Variants in LRCH1 observed in about 807,000 individuals in gnomAD.
LRCH1 encodes leucine-rich repeat and calponin homology domain-containing protein 1.
Under a neutral mutation model 94.9 loss-of-function variants are expected in LRCH1, and 23 were observed. That is an observed-to-expected ratio of 0.24 (90% CI 0.17 to 0.34). The LOEUF is 0.34. Among genes scored for constraint, LRCH1 ranks in the 10% least tolerant of loss-of-function variants. LRCH1 has a pLI of 1.00. For missense variants in LRCH1, 790 were observed against 945.9 expected (o/e 0.84, Z 2.16); for synonymous variants, 364 against 354.9 (o/e 1.03, Z -0.29).
At chr13:46,660,298 G>A (rs1305824007) in intron 2 of LRCH1, among the ~76,000 whole-genome samples, 2 of 152,062 alleles carry the variant, frequency 1.3e-5, no homozygotes, top group Non-Finnish European at 2.9e-5. Context: ...ACAGGCGTGA[G>A]CCACCGCACC....
chr13:46,662,912 C>T (rs1477947244), intron 2 of LRCH1, among the ~76,000 whole-genome samples: 2 of 152,152 alleles, frequency 1.3e-5, no homozygotes, highest in Admixed American at 1.3e-4. Context: ...TTGCTCTTCT[C>T]GCAGTTCTCT....
intron 11 of LRCH1, 47 bp downstream of exon 11, chr13:46,701,254 C>A: frequency 7.6e-7 from 1 of 1,313,314 alleles, no homozygotes; most frequent in Non-Finnish European, 1.1e-6. Context: ...ATAATGCATA[C>A]TAATGTATGG....
At chr13:46,632,061 C>G (rs7986104) in intron 1 of LRCH1, among the ~76,000 whole-genome samples, 127,336 of 152,114 alleles carry the variant, frequency 0.84, 53,870 homozygotes, top group African/African-American at 0.96. Context: ...AAGTTAACTC[C>G]GTATAGTGGT....
At chr13:46,723,775 G>T (rs1407237909) in intron 17 of LRCH1, among the ~76,000 whole-genome samples, 1 of 151,926 alleles carries the variant, frequency 6.6e-6, no homozygotes, top group Admixed American at 6.6e-5. Context: ...ACTTCAGCCT[G>T]GGTGACAACA....
chr13:46,591,075 T>C (rs1306470449), intron 1 of LRCH1, among the ~76,000 whole-genome samples: 1 of 151,962 alleles, frequency 6.6e-6, no homozygotes, highest in East Asian at 1.9e-4. Context: ...TGAGACAAAG[T>C]CCCTTCCTGC....
chr13:46,714,888 A>G (rs1208623172), intron 15 of LRCH1, among the ~76,000 whole-genome samples: 1 of 152,156 alleles, frequency 6.6e-6, no homozygotes, highest in African/African-American at 2.4e-5. Flanking sequence ...CTAGTCTCCA[A>G]CATTTTTTGT....
chr13:46,741,065 C>T (rs1043234822), intron 19 of LRCH1, among the ~76,000 whole-genome samples: 4 of 152,190 alleles, frequency 2.6e-5, no homozygotes, highest in Non-Finnish European at 5.9e-5. Context: ...ATGTAATGTA[C>T]TTTCTGACAC....
At position 46,743,661 on chromosome 13, in the gene LRCH1, T is replaced by G. The variant is rs775435065; in HGVS notation, c.*1813T>G. On this transcript the variant is annotated 3_prime_UTR_variant, in exon 20 of 20. Transcript: ENST00000389797. ...AGCTCTCAGCATTCCCATCCAGCTC[T>G]GCAGTGCATTGAGGCTTCTCTTTAA... The G allele has an allele frequency of 2.0e-6, 2 of 985,366 alleles. No individual in the cohort carries two copies. The highest frequency in any genetic ancestry group is 2.4e-6 in the Non-Finnish European group (2 of 829,912). 61.0% of individuals were successfully genotyped at this position (985,366 alleles called of 1,614,324 possible).
intron 2 of LRCH1, among the ~76,000 whole-genome samples, chr13:46,668,067 T>G (rs7993865): frequency 6.6e-6 from 1 of 152,154 alleles, no homozygotes; most frequent in East Asian, 1.9e-4. Context: ...ACTCTGTGGT[T>G]GTTGGCTTCA....
At chr13:46,678,267 A>G (rs2051703794) in intron 3 of LRCH1, among the ~76,000 whole-genome samples, 1 of 152,174 alleles carries the variant, frequency 6.6e-6, no homozygotes. Context: ...AAACACCTAG[A>G]CTATTATCTC....
At chr13:46,661,524 T>C (rs2051448400) in intron 2 of LRCH1, among the ~76,000 whole-genome samples, 1 of 152,308 alleles carries the variant, frequency 6.6e-6, no homozygotes, top group South Asian at 2.1e-4. Flanking sequence ...GTAAGTGGAT[T>C]TTTTAGTATT....
At chr13:46,613,992 C>CT (rs1566176991) in intron 1 of LRCH1, among the ~76,000 whole-genome samples, 1 of 146,962 alleles carries the variant, frequency 6.8e-6, no homozygotes, top group Non-Finnish European at 1.5e-5. Context: ...TTTTTTTTTT[C>CT]TTTTTTGTTT....
intron 18 of LRCH1, among the ~76,000 whole-genome samples, chr13:46,750,375 A>G (rs1360899214): frequency 3.9e-5 from 6 of 152,180 alleles, no homozygotes; most frequent in Non-Finnish European, 8.8e-5. Context: ...AACATAGAAA[A>G]GGTCTTTGCA....
chr13:46,566,784 A>T (rs1261975916), intron 1 of LRCH1, among the ~76,000 whole-genome samples: 1 of 152,188 alleles, frequency 6.6e-6, no homozygotes, highest in Non-Finnish European at 1.5e-5. Context: ...GAGATTTTAG[A>T]GTTCATCCCC....
At chr13:46,639,734 G>A (rs1333165190) in intron 1 of LRCH1, among the ~76,000 whole-genome samples, 1 of 152,198 alleles carries the variant, frequency 6.6e-6, no homozygotes, top group Non-Finnish European at 1.5e-5. Flanking sequence ...CAGGATCCCT[G>A]TCCTAGGCAG....
At chr13:46,614,414 A>T (rs1424877049) in intron 1 of LRCH1, among the ~76,000 whole-genome samples, 1 of 152,218 alleles carries the variant, frequency 6.6e-6, no homozygotes, top group Non-Finnish European at 1.5e-5. Context: ...TAGAGAGGAT[A>T]CAAAATCATG....
intron 9 of LRCH1, among the ~76,000 whole-genome samples, chr13:46,696,888 C>T (rs763116329): frequency 6.6e-6 from 1 of 151,984 alleles, no homozygotes; most frequent in African/African-American, 2.4e-5. Context: ...GGGCAACATA[C>T]TAAGATTCCA....
chr13:46,687,566 A>G (rs1870685709), intron 5 of LRCH1, among the ~76,000 whole-genome samples: 1 of 152,252 alleles, frequency 6.6e-6, no homozygotes, highest in Middle Eastern at 3.4e-3. Context: ...CTGAGTTTAT[A>G]TTTTTTATAC....
At chr13:46,583,057 A>AT (rs969943532) in intron 1 of LRCH1, among the ~76,000 whole-genome samples, 4 of 152,210 alleles carry the variant, frequency 2.6e-5, no homozygotes, top group African/African-American at 9.7e-5. Flanking sequence ...GTTTTTATAT[A>AT]TTGCAGTCTC....
Sources: allele counts gnomAD v4.1 joint callset (sites outside exome capture counted in the v4.1 genomes callset), GRCh38; gene constraint gnomAD v4.1.1; transcripts MANE v1.5; gene names NCBI Gene and HGNC (gene_info 2026-07-23, HGNC 2026-07-21).